MADD: variants seen among roughly 807,000 people sequenced by gnomAD.
The protein encoded by MADD is MAP kinase-activating death domain protein.
Under a neutral mutation model 176.7 loss-of-function variants are expected in MADD, and 109 were observed. The observed-to-expected ratio is 0.62, with a 90% CI of 0.53 to 0.72. The LOEUF (loss-of-function observed/expected upper bound fraction) is 0.72, where lower values mean the gene tolerates loss of function less well. Ranked by LOEUF, MADD falls within the 30% of genes least tolerant of loss-of-function variation. The pLI is 0.00. For synonymous variants in MADD, 771 were observed against 771.3 expected, an observed-to-expected ratio of 1.00 and a Z score of 0.01; for missense variants, 1,914 against 2,045.5, an observed-to-expected ratio of 0.94 and a Z score of 1.24.
intron 19 of MADD, 146 bp from the exon 22 acceptor site, chr11:47,293,736 GT>G: frequency 1.7e-6 from 1 of 589,378 alleles, no homozygotes. Context: ...TCTTTTTCCA[GT>G]GGGTCCTGAG....
In MADD at chr11:47,295,501, TG is replaced by T; in HGVS notation, c.3409del (p.Asp1137IlefsTer8). 6.2e-7 allele frequency: 1 copy of T among 1,613,490 alleles called. No homozygotes were observed. Among genetic ancestry groups the T allele is most frequent in the African/African-American group, 1.3e-5 (1 of 75,032 alleles). ...GTTCCTGTGTCTTGTTTCAGAGGAC[TG>T]ATCAAGACTCTGTCATCGGCGTGAG... On this transcript the variant is annotated frameshift_variant, in exon 21 of 33. Coordinates refer to ENST00000402192, the Ensembl canonical transcript of MADD. LOFTEE classifies it high-confidence loss of function.
intron 19 of MADD, among the ~76,000 whole-genome samples, chr11:47,291,059 T>C (rs765560022): frequency 5.9e-5 from 9 of 151,970 alleles, no homozygotes; most frequent in Non-Finnish European, 1.3e-4. Context: ...GAGGGCCCAA[T>C]GAGGCTTACT....
In MADD at chr11:47,282,715, C is replaced by G. The variant is rs1407913946; in HGVS notation, c.1706-98C>G. ...CTAATGTTTGACCTGTGCCTTCTAT[C>G]CTGGCTCTGCTTTAGACTTTTTCCT... is the stretch of plus-strand genomic sequence containing the variant. On this transcript the variant is annotated intron_variant, in intron 9 of 32. Coordinates refer to ENST00000402192, the Ensembl canonical transcript of MADD. The G allele has an allele frequency of 4.4e-6, 7 of 1,588,820 alleles. No individual in the cohort carries two copies. The Admixed American group carries it at 6.8e-5, about 15-fold the overall frequency.
chr11:47,278,619 A>G (rs2052945191), intron 6 of MADD, among the ~76,000 whole-genome samples: 1 of 152,192 alleles, frequency 6.6e-6, no homozygotes, highest in Admixed American at 6.5e-5. Context: ...GTTTCCAGTA[A>G]GAAACTGTCT....
chr11:47,291,162 G>A (rs2064909812), intron 19 of MADD, among the ~76,000 whole-genome samples: 1 of 152,120 alleles, frequency 6.6e-6, no homozygotes, highest in African/African-American at 2.4e-5. Flanking sequence ...TGCTCAGGAA[G>A]TTTATAGATG....
intron 3 of MADD, 29 bp from the exon 4 acceptor site, chr11:47,275,870 G>A (rs770881788): frequency 6.3e-7 from 1 of 1,578,992 alleles, no homozygotes; most frequent in South Asian, 1.2e-5. Flanking sequence ...TGATGCTAAT[G>A]TGTCTGATTC....
chr11:47,275,994 A>G (rs753012993), exon 4 of MADD: 14 of 1,614,056 alleles, frequency 8.7e-6, no homozygotes, highest in Non-Finnish European at 1.1e-5. Context: ...GCCTGGATCT[A>G]TCGATTGCTG....
chr11:47,287,423 T>A (rs2061499943), intron 15 of MADD, among the ~76,000 whole-genome samples: 4 of 152,218 alleles, frequency 2.6e-5, no homozygotes. Flanking sequence ...TTTTTTATTT[T>A]CTGAGACAGT....
At position 47,274,861 on chromosome 11, in the gene MADD, G is replaced by A. The variant is rs368803085; in HGVS notation, c.361G>A (p.Gly121Arg). The stretch of plus-strand genomic sequence containing the variant: ...TGGGGCAGGGTCCCGTGGGAAGGAA[G>A]GAACCCATGCCACCTGTGCCTCAGA... The change falls in exon 3 of 33, where the codon GGA becomes AGA. Residue 121 changes from glycine (G) to arginine (R), a missense_variant. Physicochemically the swap from Gly to Arg is moderately radical, Grantham distance 125 (BLOSUM62 -2). Coordinates refer to ENST00000402192, the Ensembl canonical transcript of MADD. The A allele has an allele frequency of 4.3e-6, 7 of 1,614,066 alleles. No individual in the cohort carries two copies. In the African/African-American group the frequency reaches 9.3e-5, roughly 22 times the overall value.
intron 22 of MADD, among the ~76,000 whole-genome samples, chr11:47,300,045 A>G (rs2076410707): frequency 6.6e-6 from 1 of 151,994 alleles, no homozygotes; most frequent in Admixed American, 6.6e-5. Context: ...TATTGTTTTG[A>G]GGTATGTTCG....
chr11:47,274,627 C>T (rs1197823751), exon 3 of MADD: 1 of 1,614,228 alleles, frequency 6.2e-7, no homozygotes, highest in African/African-American at 1.3e-5. Context: ...CTTGGAGGAT[C>T]ACACTGAGTT....
At chr11:47,328,754 G>T in intron 32 of MADD, 50 bp downstream of exon 36, 1 of 1,611,432 alleles carries the variant, frequency 6.2e-7, no homozygotes, top group Non-Finnish European at 8.5e-7. Flanking sequence ...GGGCTCCCTG[G>T]GGGACCTTCG....
chr11:47,320,556 C>T (rs191171460), intron 27 of MADD, among the ~76,000 whole-genome samples: 1 of 152,224 alleles, frequency 6.6e-6, no homozygotes, highest in African/African-American at 2.4e-5. Context: ...GAGGCTGAGG[C>T]AGGAGGATTG....
intron 22 of MADD, among the ~76,000 whole-genome samples, chr11:47,306,013 C>T (rs149643831): frequency 9.9e-5 from 15 of 152,242 alleles, no homozygotes; most frequent in East Asian, 3.9e-4. Flanking sequence ...TGCAGGGTGC[C>T]GCTTCAAGTT....
exon 12 of MADD, chr11:47,284,439 G>A: frequency 6.2e-7 from 1 of 1,614,148 alleles, no homozygotes; most frequent in East Asian, 2.2e-5. Flanking sequence ...ACGAGCTGCA[G>A]AATCAGAAGG....
chr11:47,276,830 G>T (rs544213854), exon 5 of MADD: 1 of 1,613,968 alleles, frequency 6.2e-7, no homozygotes, highest in East Asian at 2.2e-5. Flanking sequence ...CTGTCATCCC[G>T]CTGCTACCCA....
intron 1 of MADD, chr11:47,271,219 C>T (rs1323012110): frequency 3.3e-5 from 5 of 152,150 alleles, no homozygotes; most frequent in African/African-American, 1.2e-4. Context: ...GAGTCGGAGC[C>T]TCGTTGGTTG....
At chr11:47,323,804 A>C in exon 28 of MADD, 1 of 1,614,214 alleles carries the variant, frequency 6.2e-7, no homozygotes, top group Non-Finnish European at 8.5e-7. Context: ...AATGGCTCTG[A>C]GACCCAGCTC....
intron 22 of MADD, among the ~76,000 whole-genome samples, chr11:47,303,838 C>G (rs1262717128): frequency 6.7e-6 from 1 of 150,356 alleles, no homozygotes; most frequent in Non-Finnish European, 1.5e-5. Flanking sequence ...GAACTCCTGA[C>G]TTCAAATGAT....
Sources: allele counts gnomAD v4.1 joint callset (sites outside exome capture counted in the v4.1 genomes callset), GRCh38; gene constraint gnomAD v4.1.1; transcripts MANE v1.5; gene names NCBI Gene and HGNC (gene_info 2026-07-23, HGNC 2026-07-21).